The following YES1 variants were observed in gnomAD, a reference collection of about 807,000 sequenced individuals.
YES1 encodes the protein YES proto-oncogene 1, Src family tyrosine kinase, also known as tyrosine-protein kinase Yes.
In YES1, 39 loss-of-function variants were observed where a neutral mutation model predicts 70.4. The observed-to-expected ratio is 0.55, with a 90% CI of 0.43 to 0.72. The LOEUF (loss-of-function observed/expected upper bound fraction) is 0.72, where lower values mean the gene tolerates loss of function less well. Among genes scored for constraint, YES1 ranks in the 30% least tolerant of loss-of-function variants. YES1 has a pLI of 0.00. For missense variants in YES1, 495 were observed against 644.8 expected, an observed-to-expected ratio of 0.77 and a Z score of 2.52; for synonymous variants, 198 against 218.6, an observed-to-expected ratio of 0.91 and a Z score of 0.83.
In YES1 at chr18:743,307, C is replaced by G. The variant is rs754509357; in HGVS notation, c.833G>C (p.Arg278Pro). The stretch of plus-strand genomic sequence containing the variant: ...TCCTTGTCCTAGTTTAACCTCTAGT[C>G]GCAAAGATTCTCGAGGGATTTCCCA... ...DAWEIPRESL[R>P]LEVKLGQGCF... The change falls in exon 7 of 12, where the codon CGA becomes CCA. Residue 278 changes from arginine (R) to proline (P), a missense_variant. Transcript: ENST00000314574. 1.2e-6 allele frequency: 2 copies of G among 1,612,306 alleles called. No homozygotes were observed. Among genetic ancestry groups the G allele is most frequent in the Middle Eastern group, 2.2e-4 (1 of 4,534 alleles).
At chr18:754,585 C>CTTG (rs1229579503) in intron 2 of YES1, among the ~76,000 whole-genome samples, 1 of 151,928 alleles carries the variant, frequency 6.6e-6, no homozygotes. Flanking sequence ...GTGTTTGTTT[C>CTTG]TTGTTATCTC....
intron 1 of YES1, among the ~76,000 whole-genome samples, chr18:758,783 A>G (rs2145746481): frequency 6.6e-6 from 1 of 152,300 alleles, no homozygotes; most frequent in African/African-American, 2.4e-5. Flanking sequence ...TAATGGCAAT[A>G]CACTCCTTCA....
intron 1 of YES1, among the ~76,000 whole-genome samples, chr18:758,647 C>G (rs1417039475): frequency 1.3e-5 from 2 of 152,182 alleles, no homozygotes; most frequent in Non-Finnish European, 2.9e-5. Flanking sequence ...TCCTTATAAT[C>G]AGTAAAATAT....
chr18:793,661 G>T (rs139915421), intron 1 of YES1, among the ~76,000 whole-genome samples: 130 of 152,236 alleles, frequency 8.5e-4, no homozygotes, highest in Middle Eastern at 3.4e-3. Context: ...TACAAAAAAA[G>T]TAAGAGAATT....
At chr18:760,155 T>G (rs1371880502) in intron 1 of YES1, among the ~76,000 whole-genome samples, 2 of 151,996 alleles carry the variant, frequency 1.3e-5, no homozygotes, top group Non-Finnish European at 1.5e-5. Context: ...TTGTGAATAG[T>G]GCAATCTGGA....
At position 724,713 on chromosome 18, in the gene YES1, CTCAT is replaced by C. The variant is rs2079998017; in HGVS notation, c.1424-85_1424-82del. ...ACATAACAAACCCCCTAGCCACTAACTCATTCAAAGTATATTATTTAGTGAAACA... is the reference window on the plus strand; with the variant it reads ...ACATAACAAACCCCCTAGCCACTAACTCAAAGTATATTATTTAGTGAAACA... On this transcript the variant is annotated intron_variant, in intron 11 of 11. Transcript: ENST00000314574. 8.2e-6 allele frequency: 9 copies of C among 1,096,212 alleles called. No homozygotes were observed. In the East Asian group the frequency reaches 9.5e-5, roughly 12 times the overall value. 67.9% of individuals were successfully genotyped at this position (1,096,212 alleles called of 1,614,324 possible).
intron 10 of YES1, 100 bp downstream of exon 10, chr18:736,708 G>T: frequency 6.9e-7 from 1 of 1,441,552 alleles, no homozygotes; most frequent in South Asian, 1.4e-5. Flanking sequence ...CTCTTCTGAG[G>T]GAAGCTAAAA....
chr18:739,818 C>CA lies in YES1; in HGVS notation c.1061-8dup, dbSNP rs1490457152. 6.2e-7 allele frequency: 1 copy of CA among 1,604,384 alleles called. No individual in the cohort carries two copies. Among genetic ancestry groups the CA allele is most frequent in the Non-Finnish European group, 8.5e-7 (1 of 1,175,684 alleles). On this transcript the variant is annotated splice_polypyrimidine_tract_variant and splice_region_variant and intron_variant, in intron 8 of 11. Coordinates refer to ENST00000314574, the MANE Select transcript of YES1 (RefSeq NM_005433.4). ...AGGAAATCTAATAAGCTTCCTGTAA[C>CA]AGACAGCAAGATATTCATAAAAAAT...
rs181650226 is a variant in YES1, at chr18:776,707, C to T, written c.-8-19872G>A. Among the ~76,000 whole-genome samples, 540 of 152,232 alleles carry T rather than the reference C, an allele frequency of 3.5e-3. 4 individuals are homozygous for T. Among genetic ancestry groups the T allele is most frequent in the African/African-American group, 0.012 (510 of 41,554 alleles). On this transcript the variant is annotated intron_variant, in intron 1 of 11. Coordinates refer to ENST00000314574, the MANE Select transcript of YES1 (RefSeq NM_005433.4). ...GCTGTTTTCAGATCCTAATCATACCCGTTTCTACAATTCTGCCTCATAATC... is the reference window on the plus strand; with the variant it reads ...GCTGTTTTCAGATCCTAATCATACCTGTTTCTACAATTCTGCCTCATAATC...
chr18:751,382 T>C lies in YES1; in HGVS notation c.371+323A>G, dbSNP rs535027783. On this transcript the variant is annotated intron_variant, in intron 3 of 11. Transcript: ENST00000314574. ...CAAGATCTTTACACCATCTGGTACT[T>C]AGAAAAATAGGAGCATCAAACTCTC... Among the ~76,000 whole-genome samples, 35 of 152,214 alleles carry C rather than the reference T, an allele frequency of 2.3e-4. 2 individuals are homozygous for C. In the South Asian group the frequency reaches 7.3e-3, roughly 32 times the overall value.
intron 1 of YES1, among the ~76,000 whole-genome samples, chr18:772,961 C>T (rs1332136211): frequency 6.6e-6 from 1 of 152,172 alleles, no homozygotes; most frequent in Non-Finnish European, 1.5e-5. Flanking sequence ...ACTGCACTAA[C>T]CTGCTGACCA....
intron 3 of YES1, among the ~76,000 whole-genome samples, chr18:751,141 A>G (rs2080337381): frequency 6.6e-6 from 1 of 152,252 alleles, no homozygotes; most frequent in Admixed American, 6.5e-5. Context: ...GAAGCAGACC[A>G]TAAATATATA....
intron 11 of YES1, among the ~76,000 whole-genome samples, chr18:730,343 A>AT (rs59787531): frequency 0.037 from 4,922 of 132,254 alleles, 107 homozygotes; most frequent in Non-Finnish European, 0.048. Context: ...ACCCAAGAGG[A>AT]TTTTTTTTTT....
chr18:784,359 G>C (rs896908496), intron 1 of YES1, among the ~76,000 whole-genome samples: 2 of 152,280 alleles, frequency 1.3e-5, no homozygotes, highest in Admixed American at 6.5e-5. Context: ...AGGAAACTAA[G>C]GCTGGAGACG....
Position 742,925 on chromosome 18 carries a change from C to G in YES1, c.1053G>C (p.Met351Ile), listed in dbSNP as rs1388595429. The G allele has an allele frequency of 6.3e-7, 1 of 1,588,234 alleles. No individual in the cohort carries two copies. Among genetic ancestry groups the G allele is most frequent in the African/African-American group, 1.4e-5 (1 of 73,658 alleles). The change falls in exon 8 of 12, where the codon ATG becomes ATC. Residue 351 changes from methionine (M) to isoleucine (I), a missense_variant. By Grantham distance (10) the Met-to-Ile change is conservative. Transcript: ENST00000314574. ...GGAGATACTAATACATACCTTTTGA[C>G]ATAAATTCAGTGACAATGTAAATTG... ...EEPIYIVTEF[M>I]SKGSLLDFLK...
intron 11 of YES1, 70 bp from the exon 12 acceptor site, chr18:724,702 CT>C (rs2079997847): frequency 8.1e-7 from 1 of 1,235,662 alleles, no homozygotes; most frequent in East Asian, 2.3e-5. Context: ...AACAAACCCC[CT>C]AGCCACTAAC....
At chr18:809,772 C>A (rs4121513) in intron 1 of YES1, among the ~76,000 whole-genome samples, 66,667 of 151,272 alleles carry the variant, frequency 0.44, 16,411 homozygotes, top group African/African-American at 0.67. Context: ...CTTAAAAAAA[C>A]AACAACAAAT....
intron 6 of YES1, among the ~76,000 whole-genome samples, chr18:745,380 G>A (rs1486390413): frequency 6.6e-6 from 1 of 152,116 alleles, no homozygotes; most frequent in Non-Finnish European, 1.5e-5. Context: ...GTTACCCAAT[G>A]TTTAGTTTTA....
At chr18:763,703 CAAAAAAAAAAAAAA>C (rs71174286) in intron 1 of YES1, among the ~76,000 whole-genome samples, 3 of 63,702 alleles carry the variant, frequency 4.7e-5, no homozygotes, top group East Asian at 4.5e-4. Flanking sequence ...ATCCTGTCTT[CAAAAAAAAAAAAAA>C]AAAAAAAAGA....
Sources: gnomAD v4.1 joint callset for allele counts (sites outside exome capture counted in the v4.1 genomes callset) on GRCh38, gnomAD v4.1.1 for gene constraint, MANE v1.5 for transcripts, NCBI Gene and HGNC (gene_info 2026-07-23, HGNC 2026-07-21) for gene names.